The following ZNF26 variants were observed in gnomAD, a reference collection of about 807,000 sequenced individuals.
ZNF26 encodes the protein epididymis luminal protein 179.
Under a neutral mutation model 54.9 loss-of-function variants are expected in ZNF26, and 32 were observed. That is an observed-to-expected ratio of 0.58 (90% CI 0.44 to 0.78). ZNF26 has a LOEUF of 0.78. Ranked by LOEUF, ZNF26 falls within the 30% of genes least tolerant of loss-of-function variation. The pLI is 0.00. For missense variants in ZNF26, 524 were observed against 634.0 expected (o/e 0.83, Z 1.86); for synonymous variants, 221 against 209.2 (o/e 1.06, Z -0.49).
At position 133,024,448 on chromosome 12, in the gene ZNF26, T is replaced by C. The variant is rs887361057; in HGVS notation, c.*12967T>C. 2.0e-5 allele frequency: 3 copies of C among 152,218 alleles called. No individual in the cohort carries two copies. Among genetic ancestry groups the C allele is most frequent in the Admixed American group, 2.0e-4 (3 of 15,276 alleles). 9.4% of individuals were successfully genotyped at this position (152,218 alleles called of 1,614,324 possible). A position where few individuals can be genotyped will look rare whatever the true frequency, so the allele number is the denominator to read the frequency against. ...CTCAGTGATAGAGCTAAGTGTTTTC[T>C]AGACCCAGTGTTCAGGATGCTACCT... On this transcript the variant is annotated 3_prime_UTR_variant, in exon 4 of 4. Coordinates refer to ENST00000328654, the MANE Select transcript of ZNF26 (RefSeq NM_019591.4).
At position 133,017,832 on chromosome 12, in the gene ZNF26, AC is replaced by A. The variant is rs1264590628; in HGVS notation, c.*6355del. On this transcript the variant is annotated 3_prime_UTR_variant, in exon 4 of 4. Coordinates refer to ENST00000328654, the MANE Select transcript of ZNF26 (RefSeq NM_019591.4). ...AGACCATCCTCACTAACATGGTGAA[AC>A]CCCATCTCTATTAAAAACACAAAAA... is the stretch of plus-strand genomic sequence containing the variant. The A allele has an allele frequency of 3.9e-5, 6 of 152,242 alleles. No individual in the cohort carries two copies. The highest frequency in any genetic ancestry group is 1.4e-4 in the African/African-American group (6 of 41,528). The allele number at this position is 152,242 out of a possible 1,614,324, so 9.4% of individuals were successfully genotyped here.
chr12:132,991,963 C>G lies in ZNF26; in HGVS notation c.33+5090C>G, dbSNP rs1057215152. Reference sequence around the variant, plus strand: ...AGGAGTTCGAGACCAGCCTGGCCAACATGGTGAAACCCTGTCTCTACTACA... The same window carrying G: ...AGGAGTTCGAGACCAGCCTGGCCAAGATGGTGAAACCCTGTCTCTACTACA... On this transcript the variant is annotated intron_variant, in intron 1 of 3. Transcript: ENST00000328654. Among the ~76,000 whole-genome samples the G allele has an allele frequency of 3.7e-4, 57 of 152,178 alleles. 1 individual carries two copies. The highest frequency in any genetic ancestry group is 3.1e-3 in the South Asian group (15 of 4,814).
chr12:133,024,109 T>TA lies in ZNF26; in HGVS notation c.*12629dup, dbSNP rs1265481628. 2.6e-5 allele frequency: 4 copies of TA among 152,212 alleles called. No individual in the cohort carries two copies. The highest frequency in any genetic ancestry group is 2.6e-4 in the Admixed American group (4 of 15,270). 9.4% of individuals were successfully genotyped at this position (152,212 alleles called of 1,614,324 possible). On this transcript the variant is annotated 3_prime_UTR_variant, in exon 4 of 4. Transcript: ENST00000328654. Reference sequence around the variant, plus strand: ...GCTATAATGTTTTGAGGTGATACGTTAGACTACAGTAGTGATTGGAATAGA... The same window carrying TA: ...GCTATAATGTTTTGAGGTGATACGTTAAGACTACAGTAGTGATTGGAATAGA...
Position 133,007,116 on chromosome 12 carries a change from G to A in ZNF26, c.108G>A (p.Lys36=). The change falls in exon 2 of 4, where the codon AAG becomes AAA. Residue 36 remains lysine, a synonymous_variant. Transcript: ENST00000328654. The part of the protein sequence containing the change: ...DEWQLLDSTQ[K]YLYRDVILEN... ...GGCAGCTACTGGATTCTACACAGAA[G>A]TACCTGTACAGAGATGTGATATTGG... 6.2e-7 allele frequency: 1 copy of A among 1,613,976 alleles called. No individual in the cohort carries two copies. The highest frequency in any genetic ancestry group is 1.1e-5 in the South Asian group (1 of 91,076).
In ZNF26 at chr12:133,020,461, TTTTG is replaced by T. The variant is rs1191331079; in HGVS notation, c.*8984_*8987del. On this transcript the variant is annotated 3_prime_UTR_variant, in exon 4 of 4. Transcript: ENST00000328654. ...TGATAATATTTATAATATATTTACATTTTGTTTATATATTTATATTTTGCCTCAA... is the reference window on the plus strand; with the variant it reads ...TGATAATATTTATAATATATTTACATTTTATATATTTATATTTTGCCTCAA... 1 of 151,806 alleles carries T rather than the reference TTTTG, an allele frequency of 6.6e-6. No individual in the cohort carries two copies. The highest frequency in any genetic ancestry group is 1.9e-4 in the East Asian group (1 of 5,192). 9.4% of individuals were successfully genotyped at this position (151,806 alleles called of 1,614,324 possible).
Position 132,986,786 on chromosome 12 carries a change from CT to C in ZNF26, c.-54del. The C allele has an allele frequency of 6.6e-7, 1 of 1,523,484 alleles. No homozygotes were observed. Among genetic ancestry groups the C allele is most frequent in the Non-Finnish European group, 8.9e-7 (1 of 1,117,790 alleles). The allele number at this position is 1,523,484 out of a possible 1,614,324, so 94.4% of individuals were successfully genotyped here. ...CGGGCGGACGCATCCCTCACGGTCT[CT>C]CCGCAGCCCGCGGGTCCTGCCCCCG... is the stretch of plus-strand genomic sequence containing the variant. On this transcript the variant is annotated 5_prime_UTR_variant, in exon 1 of 4. Coordinates refer to ENST00000328654, the MANE Select transcript of ZNF26 (RefSeq NM_019591.4).
At position 133,018,455 on chromosome 12, in the gene ZNF26, T is replaced by C. The variant is rs1953596211; in HGVS notation, c.*6974T>C. The C allele has an allele frequency of 2.6e-5, 4 of 152,182 alleles. No homozygotes were observed. The highest frequency in any genetic ancestry group is 7.2e-5 in the African/African-American group (3 of 41,450). The allele number at this position is 152,182 out of a possible 1,614,324, so 9.4% of individuals were successfully genotyped here. ...AAGTAGACTCTGATAAGTTAATGTG[T>C]ATTTAACACTTCCTAGAACAAACAC... On this transcript the variant is annotated 3_prime_UTR_variant, in exon 4 of 4. Coordinates refer to ENST00000328654, the MANE Select transcript of ZNF26 (RefSeq NM_019591.4).
intron 1 of ZNF26, 84 bp downstream of exon 1, chr12:132,986,957 G>T: frequency 7.0e-7 from 1 of 1,431,546 alleles, no homozygotes; most frequent in South Asian, 1.2e-5. Flanking sequence ...TCCGGGAACT[G>T]AACTCACATT....
chr12:133,002,822 C>T (rs1953247915), intron 1 of ZNF26, among the ~76,000 whole-genome samples: 1 of 151,868 alleles, frequency 6.6e-6, no homozygotes, highest in Non-Finnish European at 1.5e-5. Flanking sequence ...CAGAGTCTCA[C>T]CATATTGGCC....
Position 133,011,432 on chromosome 12 carries a change from CCTT to C in ZNF26, c.1556_1558del (p.Phe519del), listed in dbSNP as rs1953470817. 1 of 1,586,992 alleles carries C rather than the reference CCTT, an allele frequency of 6.3e-7. No individual in the cohort carries two copies. On this transcript the variant is annotated inframe_deletion, in exon 4 of 4. Coordinates refer to ENST00000328654, the MANE Select transcript of ZNF26 (RefSeq NM_019591.4). Reference sequence around the variant, plus strand: ...TGGAAATGCTCTGAATGTGGGAAATCCTTCTGTTGGAATTCAGGGCTTCGTATA... The same window carrying C: ...TGGAAATGCTCTGAATGTGGGAAATCCTGTTGGAATTCAGGGCTTCGTATA...
At chr12:132,998,596 A>G (rs1953142799) in intron 1 of ZNF26, among the ~76,000 whole-genome samples, 1 of 152,194 alleles carries the variant, frequency 6.6e-6, no homozygotes, top group Non-Finnish European at 1.5e-5. Context: ...CGAGATCCCA[A>G]AATACCATGA....
In ZNF26 at chr12:133,026,908, G is replaced by A. The variant is rs1953712836; in HGVS notation, c.*15427G>A. The stretch of plus-strand genomic sequence containing the variant: ...TTTATCATTTTAACCAAATAATGTA[G>A]AAATAGAGTGATATGAAACATAAAT... On this transcript the variant is annotated 3_prime_UTR_variant, in exon 4 of 4. Transcript: ENST00000328654. 6.6e-6 allele frequency: 1 copy of A among 152,108 alleles called. No individual in the cohort carries two copies. Among genetic ancestry groups the A allele is most frequent in the South Asian group, 2.1e-4 (1 of 4,836 alleles). 9.4% of individuals were successfully genotyped at this position (152,108 alleles called of 1,614,324 possible).
In ZNF26 at chr12:133,026,954, A is replaced by G. The variant is rs1177581561; in HGVS notation, c.*15473A>G. 1 of 152,224 alleles carries G rather than the reference A, an allele frequency of 6.6e-6. No individual in the cohort carries two copies. The highest frequency in any genetic ancestry group is 1.5e-5 in the Non-Finnish European group (1 of 68,044). 9.4% of individuals were successfully genotyped at this position (152,224 alleles called of 1,614,324 possible). The stretch of plus-strand genomic sequence containing the variant: ...TAAATACCTATATAGGTTAAGAAAA[A>G]TATTCAATAAATTGGAACAATTCTT... On this transcript the variant is annotated 3_prime_UTR_variant, in exon 4 of 4. Coordinates refer to ENST00000328654, the MANE Select transcript of ZNF26 (RefSeq NM_019591.4).
chr12:133,022,237 TTAAA>T lies in ZNF26; in HGVS notation c.*10757_*10760del, dbSNP rs1953653400. On this transcript the variant is annotated 3_prime_UTR_variant, in exon 4 of 4. Transcript: ENST00000328654. ...TGTCACACACAAAAAATTAAAGTCATTAAAAAGAAAAACTGAATTTTGCAAAATT... is the reference window on the plus strand; with the variant it reads ...TGTCACACACAAAAAATTAAAGTCATAAGAAAAACTGAATTTTGCAAAATT... The T allele has an allele frequency of 1.3e-5, 2 of 152,006 alleles. No individual in the cohort carries two copies. The highest frequency in any genetic ancestry group is 4.8e-5 in the African/African-American group (2 of 41,378). 9.4% of individuals were successfully genotyped at this position (152,006 alleles called of 1,614,324 possible).
intron 1 of ZNF26, 88 bp from the exon 2 acceptor site, chr12:133,006,954 A>T: frequency 6.8e-7 from 1 of 1,460,414 alleles, no homozygotes; most frequent in South Asian, 1.2e-5. Flanking sequence ...TTGGTAGAGG[A>T]ACATTTATCC....
At chr12:132,992,974 G>A (rs2137216965) in intron 1 of ZNF26, among the ~76,000 whole-genome samples, 1 of 149,778 alleles carries the variant, frequency 6.7e-6, no homozygotes, top group South Asian at 2.1e-4. Flanking sequence ...TAATACATAA[G>A]CCCATCAAAG....
intron 3 of ZNF26, among the ~76,000 whole-genome samples, chr12:133,009,726 A>G (rs1953428296): frequency 1.3e-5 from 2 of 152,134 alleles, no homozygotes; most frequent in Admixed American, 1.3e-4. Flanking sequence ...CCTGTCAGTC[A>G]GGCTTCTTCC....
chr12:133,002,405 A>G (rs971917196), intron 1 of ZNF26, among the ~76,000 whole-genome samples: 1 of 152,136 alleles, frequency 6.6e-6, no homozygotes, highest in East Asian at 1.9e-4. Flanking sequence ...TCTCCCCGGT[A>G]TCTCCTCTTA....
rs554036644 is a variant in ZNF26, at chr12:132,991,263, C to T, written c.33+4390C>T. ...CTGTAATCCCAGCACTTTGGGAGGC[C>T]GAGGCGGGTGAATCACGAGGTCAGA... On this transcript the variant is annotated intron_variant, in intron 1 of 3. Coordinates refer to ENST00000328654, the MANE Select transcript of ZNF26 (RefSeq NM_019591.4). 8.4e-3 allele frequency among the ~76,000 whole-genome samples: 1,195 copies of T among 143,026 alleles called. 12 individuals carry two copies. Among genetic ancestry groups the T allele is most frequent in the African/African-American group, 0.029 (1,120 of 38,424 alleles). The allele number at this position is 143,026 out of a possible 152,430, so 93.8% of individuals were successfully genotyped here.
Sources: allele counts gnomAD v4.1 joint callset (sites outside exome capture counted in the v4.1 genomes callset), GRCh38; gene constraint gnomAD v4.1.1; transcripts MANE v1.5; gene names NCBI Gene and HGNC (gene_info 2026-07-23, HGNC 2026-07-21).